DNAH3: variants seen among roughly 807,000 people sequenced by gnomAD.
DNAH3 encodes dynein axonemal heavy chain 3, also known as axonemal beta dynein heavy chain 3.
Under a neutral mutation model 432.5 loss-of-function variants are expected in DNAH3, and 332 were observed. That is an observed-to-expected ratio of 0.77 (90% CI 0.70 to 0.84). The LOEUF is 0.84. Among genes scored for constraint, DNAH3 ranks in the 40% least tolerant of loss-of-function variants. DNAH3 has a pLI of 0.00. For missense variants in DNAH3, 4,861 were observed against 5,114.0 expected, an observed-to-expected ratio of 0.95 and a Z score of 1.51; for synonymous variants, 1,956 against 1,900.2, an observed-to-expected ratio of 1.03 and a Z score of -0.76.
intron 41 of DNAH3, among the ~76,000 whole-genome samples, chr16:21,013,719 C>CAAAAAAAAAAAAAAAAAAA (rs557641711): frequency 2.1e-5 from 1 of 47,428 alleles, no homozygotes; most frequent in Non-Finnish European, 4.1e-5. Flanking sequence ...AACTCCATCT[C>CAAAAAAAAAAAAAAAAAAA]AAAAAAAAAA....
intron 1 of DNAH3, among the ~76,000 whole-genome samples, chr16:21,152,465 C>T (rs978124581): frequency 6.6e-6 from 1 of 152,246 alleles, no homozygotes; most frequent in Non-Finnish European, 1.5e-5. Flanking sequence ...TCGCTCTCGG[C>T]GCCTCCTCTG....
intron 40 of DNAH3, among the ~76,000 whole-genome samples, chr16:21,020,270 C>T (rs1451701919): frequency 7.0e-6 from 1 of 143,318 alleles, no homozygotes; most frequent in Non-Finnish European, 1.5e-5. Flanking sequence ...AATCCACCCA[C>T]CTCGGCCTCT....
At chr16:21,157,983 A>G (rs374951223) in intron 1 of DNAH3, among the ~76,000 whole-genome samples, 12 of 152,114 alleles carry the variant, frequency 7.9e-5, no homozygotes, top group East Asian at 5.8e-4. Context: ...ACATTCTACA[A>G]TCCACAGCTC....
At chr16:21,034,993 T>C (rs1445666957) in intron 35 of DNAH3, among the ~76,000 whole-genome samples, 1 of 152,154 alleles carries the variant, frequency 6.6e-6, no homozygotes, top group Non-Finnish European at 1.5e-5. Flanking sequence ...TAAGTAGGGT[T>C]GACATTCAGG....
intron 41 of DNAH3, among the ~76,000 whole-genome samples, chr16:21,008,521 GA>G (rs1410708924): frequency 6.6e-6 from 1 of 152,088 alleles, no homozygotes; most frequent in African/African-American, 2.4e-5. Context: ...ACTCCCGAAG[GA>G]TTCACCTCAT....
chr16:20,945,574 T>G (rs2084008597), intron 57 of DNAH3, among the ~76,000 whole-genome samples: 1 of 151,862 alleles, frequency 6.6e-6, no homozygotes, highest in Admixed American at 6.6e-5. Flanking sequence ...CACTGTAACC[T>G]CCGCCTCCTG....
intron 40 of DNAH3, among the ~76,000 whole-genome samples, chr16:21,020,549 C>T (rs2088154037): frequency 6.7e-6 from 1 of 148,974 alleles, no homozygotes; most frequent in Non-Finnish European, 1.5e-5. Context: ...ATTACAGGCA[C>T]CCGCCACCTC....
intron 11 of DNAH3, among the ~76,000 whole-genome samples, 167 bp from the exon 12 acceptor site, chr16:21,117,506 TTC>T (rs982371796): frequency 6.6e-6 from 1 of 152,178 alleles, no homozygotes; most frequent in African/African-American, 2.4e-5. Flanking sequence ...TCTACCTCTG[TTC>T]TCTCTCCTTT....
chr16:21,148,973 A>C (rs919414024), intron 1 of DNAH3, among the ~76,000 whole-genome samples: 1 of 152,144 alleles, frequency 6.6e-6, no homozygotes, highest in South Asian at 2.1e-4. Context: ...GCTAATGTCT[A>C]TAATCCCAGC....
intron 43 of DNAH3, among the ~76,000 whole-genome samples, chr16:20,999,735 G>C (rs1205222542): frequency 6.6e-6 from 1 of 152,162 alleles, no homozygotes; most frequent in Non-Finnish European, 1.5e-5. Context: ...ACCGAAGTGA[G>C]GAAACGCTTT....
chr16:21,052,271 C>T (rs986381340), intron 28 of DNAH3, among the ~76,000 whole-genome samples: 4 of 152,300 alleles, frequency 2.6e-5, no homozygotes, highest in South Asian at 4.1e-4. Flanking sequence ...AGATTACAGG[C>T]GTGAGCCACC....
intron 53 of DNAH3, 134 bp from the exon 54 acceptor site, chr16:20,959,538 G>A: frequency 2.4e-6 from 2 of 828,806 alleles, no homozygotes; most frequent in Non-Finnish European, 3.7e-6. Context: ...GGGAGGCCGA[G>A]GTGGGAGGAT....
chr16:20,979,598 T>C, intron 49 of DNAH3, 52 bp from the exon 50 acceptor site: 1 of 1,521,318 alleles, frequency 6.6e-7, no homozygotes, highest in Non-Finnish European at 9.1e-7. Flanking sequence ...TCCAGGGAGA[T>C]CCAGTACAGC....
chr16:21,041,375 A>C (rs916186468), intron 32 of DNAH3, among the ~76,000 whole-genome samples: 1 of 152,116 alleles, frequency 6.6e-6, no homozygotes, highest in Admixed American at 6.5e-5. Flanking sequence ...CATCTCAAAA[A>C]AAAAGAGAGA....
chr16:20,987,456 T>C lies in DNAH3; in HGVS notation c.6883-8A>G, dbSNP rs775119085. ...GATACATTTTTCTACATCCTAAAAA[T>C]CCAGAGTTAATTATTCAAACGAGTG... On this transcript the variant is annotated splice_region_variant and splice_polypyrimidine_tract_variant and intron_variant, in intron 46 of 61. Transcript: ENST00000261383. 2 of 1,613,908 alleles carry C rather than the reference T, an allele frequency of 1.2e-6. No homozygotes were observed. The highest frequency in any genetic ancestry group is 2.2e-5 in the South Asian group (2 of 91,020).
chr16:21,149,302 A>C (rs2092824805), intron 1 of DNAH3, among the ~76,000 whole-genome samples: 1 of 152,122 alleles, frequency 6.6e-6, no homozygotes, highest in South Asian at 2.1e-4. Context: ...AATTTCAAGG[A>C]GCTTTCACTT....
intron 31 of DNAH3, among the ~76,000 whole-genome samples, chr16:21,043,886 C>T (rs927150951): frequency 7.7e-6 from 1 of 130,260 alleles, no homozygotes; most frequent in African/African-American, 3.0e-5. Context: ...CAGCTTTCTA[C>T]ATATGGCTAG....
intron 53 of DNAH3, 28 bp downstream of exon 53, chr16:20,963,256 C>A (rs766926721): frequency 6.3e-7 from 1 of 1,597,550 alleles, no homozygotes; most frequent in East Asian, 2.2e-5. Context: ...GGGCTTTCCA[C>A]GTCTCTCCCA....
At chr16:21,020,348 G>GTGTATATATATA in intron 40 of DNAH3, among the ~76,000 whole-genome samples, 1 of 69,158 alleles carries the variant, frequency 1.4e-5, no homozygotes, top group Non-Finnish European at 2.5e-5. Flanking sequence ...TATAGTGTGT[G>GTGTATATATATA]TATATATATA....
Sources: gnomAD v4.1 joint callset for allele counts (sites outside exome capture counted in the v4.1 genomes callset) on GRCh38, gnomAD v4.1.1 for gene constraint, MANE v1.5 for transcripts, NCBI Gene and HGNC (gene_info 2026-07-23, HGNC 2026-07-21) for gene names.